The following EIF4ENIF1 variants were observed in gnomAD, a reference collection of about 807,000 sequenced individuals.
EIF4ENIF1 encodes the protein eukaryotic translation initiation factor 4E transporter.
Under a neutral mutation model 110.5 loss-of-function variants are expected in EIF4ENIF1, and 23 were observed. The observed-to-expected ratio is 0.21, with a 90% confidence interval of 0.15 to 0.29. The LOEUF is 0.29. Among genes scored for constraint, EIF4ENIF1 ranks in the 10% least tolerant of loss-of-function variants. The pLI, the probability that EIF4ENIF1 is intolerant of heterozygous loss-of-function variation, is 1.00. For synonymous variants in EIF4ENIF1, 440 were observed against 437.0 expected, an observed-to-expected ratio of 1.01 and a Z score of -0.09; for missense variants, 1,031 against 1,221.1, an observed-to-expected ratio of 0.84 and a Z score of 2.32.
At chr22:31,467,615 C>T (rs2051233573) in intron 4 of EIF4ENIF1, among the ~76,000 whole-genome samples, 1 of 151,932 alleles carries the variant, frequency 6.6e-6, no homozygotes, top group Non-Finnish European at 1.5e-5. Flanking sequence ...ACGAGGTTAG[C>T]AGTTCAAGAC....
chr22:31,450,223 A>G (rs2050603404), intron 11 of EIF4ENIF1, 66 bp downstream of exon 11: 1 of 1,370,018 alleles, frequency 7.3e-7, no homozygotes, highest in Non-Finnish European at 1.0e-6. Context: ...TTGGACCACT[A>G]AGCAAAACTG....
rs56370121 is a variant in EIF4ENIF1 at position 31,442,550 on chromosome 22, C to T, written c.2206+412G>A. 9.3e-3 allele frequency among the ~76,000 whole-genome samples: 1,417 copies of T among 152,296 alleles called. 16 individuals carry two copies. Among genetic ancestry groups the T allele is most frequent in the South Asian group, 0.027 (128 of 4,822 alleles). On this transcript the variant is annotated intron_variant, in intron 16 of 18. Transcript: ENST00000330125. ...GTTACCACGTCCTTCACAATCCCTA[C>T]TGTGCAACTCCTAAAAGCCTCTCAC...
At chr22:31,473,016 T>C (rs1461393697) in intron 2 of EIF4ENIF1, among the ~76,000 whole-genome samples, 1 of 151,424 alleles carries the variant, frequency 6.6e-6, no homozygotes, top group Non-Finnish European at 1.5e-5. Context: ...CATTCTATTC[T>C]CTATCTCCAC....
Position 31,444,634 on chromosome 22 carries a change from G to A in EIF4ENIF1, c.2045C>T (p.Pro682Leu). ...APVHRGNSSS[P>L]APAASITSML... ...GCTTGTGATGGAGGCAGCAGGGGCAGGGGAAGAGGAATTCCCTCGATGCAC... is the reference window on the plus strand; with the variant it reads ...GCTTGTGATGGAGGCAGCAGGGGCAAGGGAAGAGGAATTCCCTCGATGCAC... The change falls in exon 15 of 19, where the codon CCT (proline) becomes CTT (leucine). Residue 682 changes from proline (P) to leucine (L), a missense_variant. By Grantham distance (98) the Pro-to-Leu change is moderately conservative (BLOSUM62 -3). This residue lies in a region of EIF4ENIF1 where 704 missense variants were observed against 879.7 expected (regional missense o/e 0.80). Transcript: ENST00000330125. The A allele has an allele frequency of 6.2e-7, 1 of 1,614,124 alleles. No individual in the cohort carries two copies. The highest frequency in any genetic ancestry group is 8.5e-7 in the Non-Finnish European group (1 of 1,179,986).
intron 2 of EIF4ENIF1, among the ~76,000 whole-genome samples, chr22:31,475,094 A>G (rs973654079): frequency 3.9e-5 from 6 of 152,234 alleles, no homozygotes; most frequent in Admixed American, 3.9e-4. Context: ...CCTTAGGACT[A>G]TATGATACTT....
chr22:31,440,808 C>T lies in EIF4ENIF1; in HGVS notation c.2612G>A (p.Gly871Asp). The T allele has an allele frequency of 6.2e-7, 1 of 1,613,946 alleles. No homozygotes were observed. The highest frequency in any genetic ancestry group is 1.1e-5 in the South Asian group (1 of 91,078). ...HLQGISGPIL[G>D]QPFYPLPAAS... Reference sequence around the variant, plus strand: ...AGCAGGTAAAGGGTAAAAGGGCTGACCCAGGATGGGGCCAGATATTCCCTG... The same window carrying T: ...AGCAGGTAAAGGGTAAAAGGGCTGATCCAGGATGGGGCCAGATATTCCCTG... The change falls in exon 18 of 19, where the codon GGT becomes GAT. Residue 871 changes from glycine (G) to aspartate (D), a missense_variant. By Grantham distance (94) the Gly-to-Asp change is moderately conservative. Transcript: ENST00000330125.
chr22:31,476,467 G>A (rs2051575683), intron 2 of EIF4ENIF1, among the ~76,000 whole-genome samples: 1 of 151,928 alleles, frequency 6.6e-6, no homozygotes, highest in Non-Finnish European at 1.5e-5. Flanking sequence ...TATTGACGAG[G>A]AATCAAAAAA....
At chr22:31,445,964 C>CG in intron 14 of EIF4ENIF1, among the ~76,000 whole-genome samples, 1 of 149,086 alleles carries the variant, frequency 6.7e-6, no homozygotes, top group South Asian at 2.2e-4. Flanking sequence ...CCCCCCCCCC[C>CG]CATCTACCTC....
At chr22:31,446,619 G>A (rs1335813937) in intron 14 of EIF4ENIF1, among the ~76,000 whole-genome samples, 1 of 152,126 alleles carries the variant, frequency 6.6e-6, no homozygotes, top group Non-Finnish European at 1.5e-5. Context: ...GTGCATTTTG[G>A]TGATAAATTA....
Position 31,458,666 on chromosome 22 carries a change from G to A in EIF4ENIF1, c.788-16C>T, listed in dbSNP as rs1401765690. 1 of 1,559,858 alleles carries A rather than the reference G, an allele frequency of 6.4e-7. No homozygotes were observed. The highest frequency in any genetic ancestry group is 1.2e-5 in the South Asian group (1 of 85,920). On this transcript the variant is annotated splice_polypyrimidine_tract_variant and intron_variant, in intron 6 of 18. Coordinates refer to ENST00000330125, the MANE Select transcript of EIF4ENIF1 (RefSeq NM_019843.4). ...TCTACTATACCTGAAAGCAAAACCA[G>A]GACAAAAACCGTCTGATAAGTAAAT... is the stretch of plus-strand genomic sequence containing the variant.
chr22:31,437,794 C>G (rs1268141368), downstream of EIF4ENIF1: 2 of 152,220 alleles, frequency 1.3e-5, no homozygotes, highest in African/African-American at 2.4e-5. Context: ...GCCATTGACA[C>G]TTGGGACTGC....
rs2050899148 is a variant in EIF4ENIF1 at position 31,458,609 on chromosome 22, C to T, written c.829G>A (p.Val277Met). 2 of 1,611,332 alleles carry T rather than the reference C, an allele frequency of 1.2e-6. No homozygotes were observed. Among genetic ancestry groups the T allele is most frequent in the African/African-American group, 1.3e-5 (1 of 74,906 alleles). ...CNGGVAEEDEVEVILAQEPAA... is the reference protein window; with the variant it reads ...CNGGVAEEDEMEVILAQEPAA... The stretch of plus-strand genomic sequence containing the variant: ...GGCTCCTGTGCAAGGATGACCTCCA[C>T]TTCATCCTCTTCGGCCACTCCTCCA... Residue 277 changes from valine (V) to methionine (M), a missense_variant, in exon 7 of 19, where the codon GTG becomes ATG. By Grantham distance (21) the Val-to-Met change is conservative. This residue lies in a region of EIF4ENIF1 where 704 missense variants were observed against 879.7 expected (regional missense o/e 0.80). Coordinates refer to ENST00000330125, the MANE Select transcript of EIF4ENIF1 (RefSeq NM_019843.4).
chr22:31,442,161 A>C lies in EIF4ENIF1; in HGVS notation c.2207-43T>G. The C allele has an allele frequency of 2.0e-6, 3 of 1,472,968 alleles. No homozygotes were observed. In the South Asian group the frequency reaches 3.8e-5, roughly 18 times the overall value. 91.2% of individuals were successfully genotyped at this position (1,472,968 alleles called of 1,614,324 possible). A position where few individuals can be genotyped will look rare whatever the true frequency, so the allele number is the denominator to read the frequency against. On this transcript the variant is annotated intron_variant, in intron 16 of 18. Coordinates refer to ENST00000330125, the MANE Select transcript of EIF4ENIF1 (RefSeq NM_019843.4). ...AAAAATATTTTGGCAAACCTCTCCC[A>C]AACACTTGTGGCCTCCCACTGGTCT...
intron 4 of EIF4ENIF1, 67 bp from the exon 5 acceptor site, chr22:31,464,034 T>C: frequency 6.5e-7 from 1 of 1,539,956 alleles, no homozygotes; most frequent in Non-Finnish European, 8.7e-7. Context: ...TTTTAGATAG[T>C]ATGTCCATGA....
At chr22:31,450,666 CACTT>C (rs1267546284) in intron 10 of EIF4ENIF1, 2 of 317,928 alleles carry the variant, frequency 6.3e-6, no homozygotes, top group Non-Finnish European at 6.1e-6. Flanking sequence ...AACCGGGGAA[CACTT>C]ACTTGAGATA....
In EIF4ENIF1 at chr22:31,442,108, CAGG is replaced by C. The variant is rs1400875915; in HGVS notation, c.2214_2216del (p.Leu739del). ...CGGCACTGGGTACAGAGCTGGATGA[CAGG>C]AGGTTTTCTGTGAGGAACCAAACAA... On this transcript the variant is annotated inframe_deletion, in exon 17 of 19. Transcript: ENST00000330125. The C allele has an allele frequency of 4.4e-6, 7 of 1,601,634 alleles. No individual in the cohort carries two copies. The highest frequency in any genetic ancestry group is 1.1e-5 in the South Asian group (1 of 90,120).
At chr22:31,446,436 T>C (rs548635139) in intron 14 of EIF4ENIF1, among the ~76,000 whole-genome samples, 1 of 152,206 alleles carries the variant, frequency 6.6e-6, no homozygotes, top group South Asian at 2.1e-4. Flanking sequence ...GTGCTATAAA[T>C]AGGATGTGCT....
In EIF4ENIF1 at chr22:31,488,644, T is replaced by C; in HGVS notation, c.75A>G (p.Lys25=). ...TTACTTTTGTATAGCGATGGGGGCA[T>C]TTGGAGGCAGGAGGCTTCTTCAGGT... The part of the protein sequence containing the change: ...FLDLKKPPAS[K]CPHRYTKEEL... The change falls in exon 2 of 19, where the codon AAA becomes AAG. Residue 25 remains lysine (K), a synonymous_variant. Coordinates refer to ENST00000330125, the MANE Select transcript of EIF4ENIF1 (RefSeq NM_019843.4). 1.2e-6 allele frequency: 2 copies of C among 1,614,140 alleles called. No homozygotes were observed. Among genetic ancestry groups the C allele is most frequent in the Non-Finnish European group, 1.7e-6 (2 of 1,180,026 alleles).
intron 1 of EIF4ENIF1, 37 bp from the exon 2 acceptor site, chr22:31,488,782 C>G (rs1601670045): frequency 6.4e-7 from 1 of 1,558,006 alleles, no homozygotes; most frequent in South Asian, 1.2e-5. Flanking sequence ...TCACCGAGAA[C>G]AGTAAGTTTT....
Sources: allele counts gnomAD v4.1 joint callset (sites outside exome capture counted in the v4.1 genomes callset), GRCh38; gene constraint gnomAD v4.1.1; regional missense constraint gnomAD v4.1.1; transcripts MANE v1.5; gene names NCBI Gene and HGNC (gene_info 2026-07-23, HGNC 2026-07-21).